GPHN: variants seen among roughly 807,000 people sequenced by gnomAD.
GPHN encodes the protein gephyrin.
Under a neutral mutation model 95.5 loss-of-function variants are expected in GPHN, and 17 were observed. That is an observed-to-expected ratio of 0.18 (90% CI 0.12 to 0.27). The LOEUF is 0.27. Among genes scored for constraint, GPHN ranks in the 10% least tolerant of loss-of-function variants. GPHN has a pLI of 1.00. For missense variants in GPHN, 660 were observed against 978.1 expected, an observed-to-expected ratio of 0.67 and a Z score of 4.34; for synonymous variants, 320 against 322.5, an observed-to-expected ratio of 0.99 and a Z score of 0.08.
chr14:66,749,292 G>A (rs1423236798), intron 2 of GPHN, among the ~76,000 whole-genome samples: 1 of 151,974 alleles, frequency 6.6e-6, no homozygotes, highest in East Asian at 1.9e-4. Context: ...TATGAATAAA[G>A]TCTGTATAAA....
At chr14:66,745,381 G>A (rs2058100071) in intron 2 of GPHN, among the ~76,000 whole-genome samples, 1 of 151,822 alleles carries the variant, frequency 6.6e-6, no homozygotes, top group South Asian at 2.1e-4. Context: ...CTAAAATTAA[G>A]GACATTGTTC....
intron 11 of GPHN, chr14:67,059,132 C>G (rs1423721637): frequency 5.8e-6 from 2 of 347,732 alleles, no homozygotes; most frequent in Non-Finnish European, 1.0e-5. Flanking sequence ...AACTCTGAGT[C>G]TGTATGATGT....
At chr14:66,536,666 T>C (rs1192019309) in intron 1 of GPHN, among the ~76,000 whole-genome samples, 2 of 152,212 alleles carry the variant, frequency 1.3e-5, no homozygotes, top group Non-Finnish European at 2.9e-5. Context: ...CTCTCTCTTT[T>C]TTATTCTCTG....
chr14:66,541,078 G>A (rs8018310), intron 1 of GPHN, among the ~76,000 whole-genome samples: 47,192 of 151,948 alleles, frequency 0.31, 11,136 homozygotes, highest in African/African-American at 0.63. Context: ...CTCCTGAGTA[G>A]CTGGAATTAC....
chr14:67,133,295 A>G (rs2079842492), intron 17 of GPHN, among the ~76,000 whole-genome samples: 1 of 152,172 alleles, frequency 6.6e-6, no homozygotes, highest in Non-Finnish European at 1.5e-5. Context: ...TCATCTTAAA[A>G]TGATGCAGCT....
chr14:66,796,396 C>T (rs1274934917), intron 3 of GPHN, among the ~76,000 whole-genome samples: 2 of 151,674 alleles, frequency 1.3e-5, no homozygotes, highest in Non-Finnish European at 2.9e-5. Context: ...GGAACATATG[C>T]CAGCTTAATT....
At chr14:67,569,085 G>A in the GPHN span, 1 of 1,226,122 alleles carries the variant, frequency 8.2e-7, no homozygotes, top group Non-Finnish European at 1.2e-6. Context: ...GCCTGGAGGG[G>A]GTGGGATGGG....
the GPHN span, among the ~76,000 whole-genome samples, chr14:67,442,788 T>C: frequency 9.2e-5 from 14 of 152,354 alleles, no homozygotes; most frequent in Middle Eastern, 3.4e-3. Flanking sequence ...TCTGCCTGGA[T>C]ACCCTGTGAA....
the GPHN span, among the ~76,000 whole-genome samples, chr14:67,451,214 G>T: frequency 1.3e-5 from 2 of 152,262 alleles, no homozygotes; most frequent in Non-Finnish European, 2.9e-5. Flanking sequence ...GAAGTTTTCT[G>T]CAGGGGCGGG....
At chr14:67,389,253 A>AT in the GPHN span, among the ~76,000 whole-genome samples, 2 of 152,078 alleles carry the variant, frequency 1.3e-5, no homozygotes, top group African/African-American at 4.8e-5. Flanking sequence ...GTACTACTAA[A>AT]TGCCAACGGG....
chr14:67,548,469 G>A, the GPHN span, among the ~76,000 whole-genome samples: 6 of 152,118 alleles, frequency 3.9e-5, no homozygotes, highest in African/African-American at 7.2e-5. Context: ...AGGCCAAGGC[G>A]GGCAGATCAC....
the GPHN span, chr14:67,674,293 G>T: frequency 7.6e-7 from 1 of 1,315,302 alleles, no homozygotes; most frequent in East Asian, 2.7e-5. Context: ...CGCGGGCCCG[G>T]GTCTGGGAGG....
intron 10 of GPHN, among the ~76,000 whole-genome samples, chr14:67,042,237 A>T (rs1416102890): frequency 6.6e-6 from 1 of 151,866 alleles, no homozygotes; most frequent in East Asian, 1.9e-4. Context: ...GTTTAATTAG[A>T]TCCCATTTGT....
intron 4 of GPHN, among the ~76,000 whole-genome samples, chr14:66,853,115 A>G (rs989928335): frequency 6.6e-6 from 1 of 152,190 alleles, no homozygotes; most frequent in Non-Finnish European, 1.5e-5. Context: ...GAACATCTGT[A>G]TTAGGTCCAA....
chr14:67,586,914 GCA>G, the GPHN span: 1 of 1,536,820 alleles, frequency 6.5e-7, no homozygotes, highest in Non-Finnish European at 8.7e-7. Flanking sequence ...CCTCTGAACA[GCA>G]CAGTTATGAT....
At chr14:66,759,322 G>C (rs112668153) in intron 2 of GPHN, among the ~76,000 whole-genome samples, 1,954 of 151,656 alleles carry the variant, frequency 0.013, 43 homozygotes, top group African/African-American at 0.044. Context: ...GTGTAGACAA[G>C]GTATGAGGCC....
At chr14:67,373,785 A>C in the GPHN span, among the ~76,000 whole-genome samples, 1 of 152,076 alleles carries the variant, frequency 6.6e-6, no homozygotes, top group Non-Finnish European at 1.5e-5. Flanking sequence ...TTAAGCACCT[A>C]ACATAGTTAC....
chr14:66,688,246 G>T (rs894207097), intron 2 of GPHN, among the ~76,000 whole-genome samples: 1 of 152,130 alleles, frequency 6.6e-6, no homozygotes, highest in African/African-American at 2.4e-5. Context: ...ACATTGAATA[G>T]GCTGATGAGG....
intron 2 of GPHN, chr14:66,760,667 C>T: frequency 2.3e-6 from 1 of 427,380 alleles, no homozygotes; most frequent in Non-Finnish European, 4.4e-6. Context: ...GAAGCATAAT[C>T]CTCGCAAAGT....
Sources: allele counts gnomAD v4.1 joint callset (sites outside exome capture counted in the v4.1 genomes callset), GRCh38; gene constraint gnomAD v4.1.1; transcripts MANE v1.5; gene names NCBI Gene and HGNC (gene_info 2026-07-23, HGNC 2026-07-21).